The following ABL2 variants were observed in gnomAD, a reference collection of about 807,000 sequenced individuals.
ABL2 encodes the protein ABL proto-oncogene 2, non-receptor tyrosine kinase.
ABL2 carries 49 observed loss-of-function variants against 107.7 expected under a neutral mutation model. The observed-to-expected ratio is 0.45, with a 90% CI of 0.36 to 0.58. ABL2 has a LOEUF of 0.58. ABL2 is among the 20% of genes least tolerant of loss of function. ABL2 has a pLI of 0.00. For synonymous variants in ABL2, 549 were observed against 548.6 expected (o/e 1.00, Z -0.01); for missense variants, 1,245 against 1,457.0 (o/e 0.85, Z 2.37).
chr1:179,192,681 T>C (rs893198562), intron 1 of ABL2, among the ~76,000 whole-genome samples: 5 of 152,176 alleles, frequency 3.3e-5, no homozygotes, highest in African/African-American at 7.2e-5. Context: ...ATGAAACACA[T>C]GGCATGCAGA....
intron 1 of ABL2, among the ~76,000 whole-genome samples, chr1:179,166,865 C>G (rs772596869): frequency 6.6e-6 from 1 of 151,672 alleles, no homozygotes; most frequent in Non-Finnish European, 1.5e-5. Flanking sequence ...TTATGTTACC[C>G]CACTTGGAAT....
intron 7 of ABL2, among the ~76,000 whole-genome samples, 183 bp from the exon 8 acceptor site, chr1:179,117,699 T>G (rs1654784217): frequency 6.6e-6 from 1 of 152,210 alleles, no homozygotes; most frequent in South Asian, 2.1e-4. Flanking sequence ...AGAGCACTCA[T>G]CAAGATGCGG....
Position 179,130,726 on chromosome 1 carries a change from TTGTGTGTGTGTGTG to T in ABL2, c.391+571_391+584del, listed in dbSNP as rs10643666. Among the ~76,000 whole-genome samples the T allele has an allele frequency of 1.2e-3, 173 of 142,812 alleles. 1 individual carries two copies. The highest frequency in any genetic ancestry group is 3.4e-3 in the African/African-American group (131 of 38,438). The allele number at this position is 142,812 out of a possible 152,430, so 93.7% of individuals were successfully genotyped here. ...CAAATAAAATCAATCATTATTGATTTTGTGTGTGTGTGTGTGTGTGTGTGTGTGTGTGTGTGTGT... is the reference window on the plus strand; with the variant it reads ...CAAATAAAATCAATCATTATTGATTTTGTGTGTGTGTGTGTGTGTGTGTGT... On this transcript the variant is annotated intron_variant, in intron 3 of 11. Coordinates refer to ENST00000502732, the MANE Select transcript of ABL2 (RefSeq NM_007314.4).
At position 179,104,176 on chromosome 1, in the gene ABL2, T is replaced by C. The variant is rs1308757663; in HGVS notation, c.*3542A>G. On this transcript the variant is annotated 3_prime_UTR_variant, in exon 12 of 12. Coordinates refer to ENST00000502732, the MANE Select transcript of ABL2 (RefSeq NM_007314.4). ...TGCCAGGCACTTGAGCTAAGTATCT[T>C]ACAAATATCATCTCATTTAATCCTT... The C allele has an allele frequency of 4.3e-6, 1 of 231,552 alleles. No homozygotes were observed. The highest frequency in any genetic ancestry group is 8.5e-6 in the Non-Finnish European group (1 of 117,046). The allele number at this position is 231,552 out of a possible 1,614,324, so 14.3% of individuals were successfully genotyped here.
chr1:179,150,122 C>A (rs1394472915), intron 1 of ABL2, among the ~76,000 whole-genome samples: 1 of 151,922 alleles, frequency 6.6e-6, no homozygotes, highest in Non-Finnish European at 1.5e-5. Context: ...CACCTGTAGT[C>A]CCAACTATTA....
At chr1:179,109,471 A>C (rs1371374236) in intron 11 of ABL2, 30 bp from the exon 12 acceptor site, 1 of 1,577,160 alleles carries the variant, frequency 6.3e-7, no homozygotes, top group Non-Finnish European at 8.6e-7. Context: ...CAGTAACTTA[A>C]AAGACAAGAA....
Position 179,136,107 on chromosome 1 carries a change from G to A in ABL2, c.158-2733C>T, listed in dbSNP as rs575953876. ...GGTGGGGGGGGTCAGCCCCCCGTCC[G>A]GCCAGCCACCCCGTCCGGGAGGTGA... On this transcript the variant is annotated intron_variant, in intron 1 of 11. Transcript: ENST00000502732. Among the ~76,000 whole-genome samples the A allele has an allele frequency of 1.9e-4, 29 of 150,028 alleles. No homozygotes were observed. In the East Asian group the frequency reaches 4.2e-3, roughly 22 times the overall value.
intron 1 of ABL2, among the ~76,000 whole-genome samples, chr1:179,227,242 TAAAG>T (rs1663267465): frequency 6.6e-6 from 1 of 152,188 alleles, no homozygotes; most frequent in African/African-American, 2.4e-5. Flanking sequence ...ACTTTACAGA[TAAAG>T]AAACCCAAAG....
chr1:179,224,887 G>A (rs1418446248), intron 1 of ABL2, among the ~76,000 whole-genome samples: 2 of 151,752 alleles, frequency 1.3e-5, no homozygotes, highest in African/African-American at 4.8e-5. Flanking sequence ...TTACCCAGGT[G>A]TGATGGCGTG....
chr1:179,223,545 T>C (rs1663002515), intron 1 of ABL2, among the ~76,000 whole-genome samples: 1 of 152,044 alleles, frequency 6.6e-6, no homozygotes, highest in Admixed American at 6.6e-5. Context: ...GAGAACAGAA[T>C]CTGTACCACA....
At chr1:179,148,282 C>G (rs1189666380) in intron 1 of ABL2, among the ~76,000 whole-genome samples, 1 of 152,142 alleles carries the variant, frequency 6.6e-6, no homozygotes, top group African/African-American at 2.4e-5. Flanking sequence ...TCAAAGCGAT[C>G]TGCCCACTTC....
intron 10 of ABL2, 81 bp from the exon 11 acceptor site, chr1:179,110,536 C>G (rs1339059171): frequency 1.4e-5 from 22 of 1,535,004 alleles, no homozygotes; most frequent in Non-Finnish European, 1.8e-5. Context: ...AGGCACACAA[C>G]TGAGAAAGAA....
intron 1 of ABL2, among the ~76,000 whole-genome samples, chr1:179,200,776 C>T (rs1661623711): frequency 6.6e-6 from 1 of 152,172 alleles, no homozygotes; most frequent in Non-Finnish European, 1.5e-5. Flanking sequence ...CGTGCTTTAT[C>T]ACAGCAAAGG....
At chr1:179,143,578 C>T (rs1391456052) in intron 1 of ABL2, among the ~76,000 whole-genome samples, 1 of 152,136 alleles carries the variant, frequency 6.6e-6, no homozygotes, top group East Asian at 1.9e-4. Context: ...AGCACAGAAG[C>T]CAAGAAATAA....
Position 179,101,902 on chromosome 1 carries a change from A to G in ABL2, c.*5816T>C, listed in dbSNP as rs17361990. On this transcript the variant is annotated 3_prime_UTR_variant, in exon 12 of 12. Transcript: ENST00000502732. ...AGGGAATGACAGTGAAGTTCAAGTG[A>G]ACTACAGTTGTGCTGAACAGAGCAA... The G allele has an allele frequency of 0.064, 11,687 of 183,834 alleles. 503 individuals are homozygous for G. Among genetic ancestry groups the G allele is most frequent in the Non-Finnish European group, 0.085 (7,358 of 86,766 alleles). 11.4% of individuals were successfully genotyped at this position (183,834 alleles called of 1,614,324 possible).
chr1:179,114,334 T>G (rs10913695), intron 9 of ABL2, among the ~76,000 whole-genome samples: 98,982 of 151,752 alleles, frequency 0.65, 32,650 homozygotes, highest in Middle Eastern at 0.75. Context: ...CTTGAACCCA[T>G]GAGGTAGAGG....
chr1:179,195,440 T>C (rs1661254318), intron 1 of ABL2, among the ~76,000 whole-genome samples: 1 of 152,130 alleles, frequency 6.6e-6, no homozygotes, highest in Non-Finnish European at 1.5e-5. Context: ...GAATATAAAA[T>C]GGTAAAGCCA....
At chr1:179,200,859 A>G (rs976496867) in intron 1 of ABL2, among the ~76,000 whole-genome samples, 1 of 152,222 alleles carries the variant, frequency 6.6e-6, no homozygotes, top group Non-Finnish European at 1.5e-5. Context: ...GCAAGTGTCC[A>G]AGTCTTCTCC....
intron 4 of ABL2, among the ~76,000 whole-genome samples, chr1:179,123,606 A>C (rs17362081): frequency 0.78 from 119,011 of 152,122 alleles, 47,513 homozygotes; most frequent in African/African-American, 0.95. Context: ...AATTCTCTGG[A>C]CTTCTCTCCC....
Sources: gnomAD v4.1 joint callset for allele counts (sites outside exome capture counted in the v4.1 genomes callset) on GRCh38, gnomAD v4.1.1 for gene constraint, MANE v1.5 for transcripts, NCBI Gene and HGNC (gene_info 2026-07-23, HGNC 2026-07-21) for gene names.